The following MMP26 variants were observed in gnomAD, a reference collection of about 807,000 sequenced individuals.
MMP26 encodes matrix metallopeptidase 26, also known as matrix metalloproteinase-26.
A neutral mutation model predicts 31.0 loss-of-function variants in MMP26; 33 were observed. The ratio of observed to expected loss-of-function variants is 1.06; its 90% CI spans 0.81 to 1.42. The LOEUF (loss-of-function observed/expected upper bound fraction) is 1.42, where lower values mean the gene tolerates loss of function less well. Ranked by LOEUF, MMP26 falls within the 40% of genes most tolerant of loss-of-function variation. The probability of loss-of-function intolerance (pLI) is 0.00; values close to 1 mark genes in which losing one functional copy is unlikely to be tolerated. For missense variants in MMP26, 347 were observed against 316.1 expected (o/e 1.10, Z -0.74); for synonymous variants, 122 against 114.9 (o/e 1.06, Z -0.40).
intron 2 of MMP26, among the ~76,000 whole-genome samples, chr11:4,962,636 C>T (rs909290939): frequency 2.6e-5 from 4 of 152,078 alleles, no homozygotes; most frequent in African/African-American, 9.7e-5. Context: ...GATCCAGGTA[C>T]GGGATTTTAA....
chr11:4,771,491 A>T (rs1270239805), intron 2 of MMP26, among the ~76,000 whole-genome samples: 1 of 152,224 alleles, frequency 6.6e-6, no homozygotes, highest in Non-Finnish European at 1.5e-5. Context: ...TGAGAAGGGC[A>T]ATTGGCTCAG....
intron 1 of MMP26, among the ~76,000 whole-genome samples, chr11:4,743,835 TCA>T (rs1848345134): frequency 6.6e-6 from 1 of 152,182 alleles, no homozygotes; most frequent in South Asian, 2.1e-4. Context: ...AAACAGGGTC[TCA>T]CAGTGTCATC....
At chr11:4,749,119 A>G (rs1354194677) in intron 1 of MMP26, among the ~76,000 whole-genome samples, 2 of 152,152 alleles carry the variant, frequency 1.3e-5, no homozygotes, top group Non-Finnish European at 2.9e-5. Context: ...ATCAACATAC[A>G]AAAATCAGTA....
At chr11:4,713,835 C>T (rs1029672535) in intron 1 of MMP26, among the ~76,000 whole-genome samples, 5 of 151,988 alleles carry the variant, frequency 3.3e-5, no homozygotes, top group African/African-American at 1.2e-4. Flanking sequence ...CACAAATTTA[C>T]TTTTAAGAAA....
At chr11:4,710,022 C>T (rs1847838295) in intron 1 of MMP26, 1 of 456,604 alleles carries the variant, frequency 2.2e-6, no homozygotes, top group African/African-American at 2.0e-5. Flanking sequence ...TGCAATTGTT[C>T]TTAGGGGAAC....
Position 4,990,673 on chromosome 11 carries a change from C to A in MMP26, c.396C>A (p.Ser132Arg), listed in dbSNP as rs1194571076. 3 of 1,613,970 alleles carry A rather than the reference C, an allele frequency of 1.9e-6. No individual in the cohort carries two copies. Among genetic ancestry groups the A allele is most frequent in the African/African-American group, 2.7e-5 (2 of 74,920 alleles). ...TATATAATGCAGTTTCCATCTGGAG[C>A]AATGTGACCCCTTTGATATTCCAGC... Reference protein sequence around the residue: ...DSIYNAVSIWSNVTPLIFQQV... With the variant: ...DSIYNAVSIWRNVTPLIFQQV... The change falls in exon 5 of 8, where the codon AGC becomes AGA. Residue 132 changes from serine to arginine, a missense_variant. Ser to Arg is a moderately radical substitution (Grantham distance 110, BLOSUM62 -1). Transcript: ENST00000380390.
intron 2 of MMP26, among the ~76,000 whole-genome samples, chr11:4,777,060 C>G (rs951196077): frequency 6.6e-6 from 1 of 152,126 alleles, no homozygotes; most frequent in Admixed American, 6.5e-5. Context: ...GGTACTAGGA[C>G]AGAATTCTAG....
intron 1 of MMP26, among the ~76,000 whole-genome samples, chr11:4,755,145 A>G (rs1848490741): frequency 6.6e-6 from 1 of 151,176 alleles, no homozygotes; most frequent in East Asian, 1.9e-4. Flanking sequence ...CTAAGATGTA[A>G]AGTAGACTTG....
In MMP26 at chr11:4,979,463, C is replaced by T. The variant is rs565409715; in HGVS notation, c.-144-8605C>T. ...CTGTTGGATGCAGGATCTGAATTGG[C>T]ACTGATACCTCTAATGTATAATTGA... is the stretch of plus-strand genomic sequence containing the variant. On this transcript the variant is annotated intron_variant, in intron 2 of 7. Transcript: ENST00000380390. Among the ~76,000 whole-genome samples, 209 of 152,206 alleles carry T rather than the reference C, an allele frequency of 1.4e-3. 1 individual carries two copies. Among genetic ancestry groups the T allele is most frequent in the South Asian group, 2.1e-3 (10 of 4,824 alleles).
chr11:4,721,539 C>A (rs1048607403), intron 1 of MMP26, among the ~76,000 whole-genome samples: 4 of 152,202 alleles, frequency 2.6e-5, no homozygotes, highest in Non-Finnish European at 5.9e-5. Context: ...TACTGGCTTT[C>A]AAGGACTCTT....
chr11:4,887,067 T>C (rs1850555357), intron 2 of MMP26, among the ~76,000 whole-genome samples: 1 of 152,082 alleles, frequency 6.6e-6, no homozygotes, highest in Non-Finnish European at 1.5e-5. Context: ...TTTTATATAA[T>C]GTTCTGATAT....
At chr11:4,809,698 C>T (rs528115356) in intron 2 of MMP26, among the ~76,000 whole-genome samples, 2 of 152,192 alleles carry the variant, frequency 1.3e-5, no homozygotes, top group East Asian at 1.9e-4. Context: ...GTATTCCTAC[C>T]TTTCTCAGGT....
intron 2 of MMP26, among the ~76,000 whole-genome samples, chr11:4,904,141 T>A (rs1026945961): frequency 6.6e-6 from 1 of 152,076 alleles, no homozygotes; most frequent in Non-Finnish European, 1.5e-5. Flanking sequence ...TAGTTATTCA[T>A]CTCTGCTATT....
chr11:4,772,834 A>G (rs764354417), intron 2 of MMP26, among the ~76,000 whole-genome samples: 13 of 152,180 alleles, frequency 8.5e-5, no homozygotes, highest in South Asian at 2.1e-4. Flanking sequence ...TTGTTTAGGT[A>G]TCAATAATAC....
Position 4,946,449 on chromosome 11 carries a change from A to G in MMP26, c.-144-41619A>G, listed in dbSNP as rs540635510. The G allele has an allele frequency of 3.6e-5, 58 of 1,609,414 alleles. No individual in the cohort carries two copies. In the South Asian group the frequency reaches 4.1e-4, roughly 11 times the overall value. On this transcript the variant is annotated intron_variant, in intron 2 of 7. Coordinates refer to ENST00000380390, the MANE Select transcript of MMP26 (RefSeq NM_021801.5). ...ACAGTCTTGAGGATCAGGGTGTAAGACACAGCAATGAGAATAAAGTCTACC... is the reference window on the plus strand; with the variant it reads ...ACAGTCTTGAGGATCAGGGTGTAAGGCACAGCAATGAGAATAAAGTCTACC...
At chr11:4,867,780 T>C (rs1039661258) in intron 2 of MMP26, among the ~76,000 whole-genome samples, 2 of 152,064 alleles carry the variant, frequency 1.3e-5, no homozygotes, top group Non-Finnish European at 2.9e-5. Flanking sequence ...AGGAACACTT[T>C]TACACTCTTA....
chr11:4,757,318 TA>T (rs1848516761), intron 1 of MMP26, among the ~76,000 whole-genome samples: 1 of 151,976 alleles, frequency 6.6e-6, no homozygotes, highest in South Asian at 2.1e-4. Context: ...AGCACTGTCC[TA>T]AAAAACTAGC....
At chr11:4,961,604 T>G (rs1304861092) in intron 2 of MMP26, among the ~76,000 whole-genome samples, 1 of 152,188 alleles carries the variant, frequency 6.6e-6, no homozygotes, top group Non-Finnish European at 1.5e-5. Flanking sequence ...AATAACAAAG[T>G]AATAGTTTCA....
At chr11:4,919,362 G>C (rs1027857559) in intron 2 of MMP26, 3 of 152,240 alleles carry the variant, frequency 2.0e-5, no homozygotes, top group African/African-American at 7.2e-5. Context: ...ACGCTAGAGT[G>C]ACTGGAGGAC....
Sources: gnomAD v4.1 joint callset for allele counts (sites outside exome capture counted in the v4.1 genomes callset) on GRCh38, gnomAD v4.1.1 for gene constraint, MANE v1.5 for transcripts, NCBI Gene and HGNC (gene_info 2026-07-23, HGNC 2026-07-21) for gene names.